The following OTUD7A variants were observed in gnomAD, a reference collection of about 807,000 sequenced individuals.
OTUD7A encodes the protein OTU deubiquitinase 7A.
OTUD7A carries 12 observed loss-of-function variants against 65.7 expected under a neutral mutation model. The observed-to-expected ratio is 0.18, with a 90% CI of 0.12 to 0.30. OTUD7A has a LOEUF of 0.30. OTUD7A is among the 10% of genes least tolerant of loss of function. OTUD7A has a pLI of 1.00. For missense variants in OTUD7A, 1,148 were observed against 1,304.8 expected (o/e 0.88, Z 1.85); for synonymous variants, 641 against 586.3 (o/e 1.09, Z -1.35).
chr15:31,750,731 C>T (rs1894611556), intron 1 of OTUD7A, among the ~76,000 whole-genome samples: 1 of 152,018 alleles, frequency 6.6e-6, no homozygotes, highest in Admixed American at 6.6e-5. Flanking sequence ...ATCTTCCCAC[C>T]CTTTAATACT....
chr15:31,610,249 A>G (rs997585922), intron 3 of OTUD7A, among the ~76,000 whole-genome samples: 1 of 152,136 alleles, frequency 6.6e-6, no homozygotes, highest in Non-Finnish European at 1.5e-5. Context: ...TGTCCTGGAA[A>G]ACATCACAAT....
intron 8 of OTUD7A, among the ~76,000 whole-genome samples, chr15:31,515,110 A>T (rs2041823165): frequency 6.6e-6 from 1 of 152,178 alleles, no homozygotes; most frequent in Non-Finnish European, 1.5e-5. Context: ...TATGGAGTTA[A>T]AACCTGCATA....
At chr15:31,558,817 G>T in intron 5 of OTUD7A, 152 bp downstream of exon 5, 2 of 800,036 alleles carry the variant, frequency 2.5e-6, no homozygotes, top group Non-Finnish European at 4.0e-6. Context: ...TCGGCCCGTA[G>T]AGCAGGAGGT....
intron 8 of OTUD7A, among the ~76,000 whole-genome samples, chr15:31,504,443 G>A (rs555071577): frequency 7.2e-5 from 11 of 152,326 alleles, no homozygotes; most frequent in African/African-American, 9.6e-5. Context: ...CAGGGAAACC[G>A]CAGGCTCAAG....
At chr15:31,827,262 C>A (rs1014732928) in intron 1 of OTUD7A, among the ~76,000 whole-genome samples, 1 of 152,322 alleles carries the variant, frequency 6.6e-6, no homozygotes, top group East Asian at 1.9e-4. Context: ...ACAATCATGG[C>A]AGAAGGCAGG....
chr15:31,528,369 A>C (rs568006452), intron 6 of OTUD7A, among the ~76,000 whole-genome samples: 2 of 152,308 alleles, frequency 1.3e-5, no homozygotes, highest in African/African-American at 4.8e-5. Flanking sequence ...GGCAAGAGGG[A>C]AAGGTGGCTA....
At chr15:31,561,282 G>A (rs552136226) in intron 4 of OTUD7A, among the ~76,000 whole-genome samples, 3 of 152,238 alleles carry the variant, frequency 2.0e-5, no homozygotes, top group African/African-American at 4.8e-5. Context: ...TTGAGTGCAG[G>A]AGCAGTGGAG....
intron 3 of OTUD7A, among the ~76,000 whole-genome samples, chr15:31,595,500 C>T (rs1889876184): frequency 6.6e-6 from 1 of 152,194 alleles, no homozygotes; most frequent in Non-Finnish European, 1.5e-5. Context: ...TCACTGTAAC[C>T]ACTAGCATGA....
intron 1 of OTUD7A, among the ~76,000 whole-genome samples, chr15:31,784,760 C>T (rs1895628417): frequency 6.6e-6 from 1 of 152,062 alleles, no homozygotes; most frequent in South Asian, 2.1e-4. Context: ...AAGCAGCGGG[C>T]TTTGTATTGT....
chr15:31,691,117 C>T (rs771154173), intron 1 of OTUD7A, among the ~76,000 whole-genome samples: 25 of 152,164 alleles, frequency 1.6e-4, no homozygotes, highest in Non-Finnish European at 3.4e-4. Flanking sequence ...AAAGATATCC[C>T]ATGCTCATGG....
intron 1 of OTUD7A, among the ~76,000 whole-genome samples, chr15:31,716,268 C>CAATAA (rs1566985633): frequency 1.1e-4 from 3 of 27,826 alleles, no homozygotes; most frequent in African/African-American, 1.8e-4. Flanking sequence ...TATTTATATA[C>CAATAA]ATTATATAAT....
At chr15:31,514,450 CTT>C (rs1188864679) in intron 8 of OTUD7A, among the ~76,000 whole-genome samples, 1 of 151,980 alleles carries the variant, frequency 6.6e-6, no homozygotes, top group Admixed American at 6.5e-5. Context: ...TTATTTTCAT[CTT>C]TCTCTCCCTC....
chr15:31,745,012 C>A (rs1894438746), intron 1 of OTUD7A, among the ~76,000 whole-genome samples: 1 of 151,990 alleles, frequency 6.6e-6, no homozygotes, highest in East Asian at 1.9e-4. Context: ...CCATGGCTTT[C>A]TACACTAAAA....
chr15:31,687,442 G>A (rs1052279717), intron 1 of OTUD7A, among the ~76,000 whole-genome samples: 7 of 152,168 alleles, frequency 4.6e-5, no homozygotes, highest in Admixed American at 2.0e-4. Context: ...AGTGGCTCTC[G>A]CCCATGTGTC....
rs1595547000 is a variant in OTUD7A, at chr15:31,483,105, C to T, written c.*189G>A. The T allele has an allele frequency of 5.0e-6, 2 of 397,212 alleles. No homozygotes were observed. The highest frequency in any genetic ancestry group is 7.0e-6 in the Non-Finnish European group (2 of 286,260). The allele number at this position is 397,212 out of a possible 1,614,324, so 24.6% of individuals were successfully genotyped here. ...TCCAACAGTATGACTTGTTTCCTATCCGTCTACTACCTGAGTGGCGTCAGT... is the reference window on the plus strand; with the variant it reads ...TCCAACAGTATGACTTGTTTCCTATTCGTCTACTACCTGAGTGGCGTCAGT... On this transcript the variant is annotated 3_prime_UTR_variant, in exon 13 of 13. Transcript: ENST00000307050.
intron 1 of OTUD7A, among the ~76,000 whole-genome samples, chr15:31,781,088 T>C (rs36020089): frequency 0.2 from 30,228 of 152,104 alleles, 3,440 homozygotes; most frequent in Admixed American, 0.28. Context: ...TGTGACCTTT[T>C]CAGCCCTTCC....
intron 5 of OTUD7A, among the ~76,000 whole-genome samples, chr15:31,531,410 A>T (rs566901052): frequency 6.6e-6 from 1 of 150,876 alleles, no homozygotes; most frequent in East Asian, 2.0e-4. Flanking sequence ...CAGACTAACT[A>T]GGGATCTTGA....
chr15:31,678,541 C>T (rs1213352786), intron 1 of OTUD7A, among the ~76,000 whole-genome samples: 1 of 152,230 alleles, frequency 6.6e-6, no homozygotes, highest in Non-Finnish European at 1.5e-5. Flanking sequence ...ACTTGGTGCC[C>T]TGTGTCCCAG....
rs79346937 is a variant in OTUD7A, at chr15:31,500,131, C to T, written c.1171+1559G>A. On this transcript the variant is annotated intron_variant, in intron 10 of 12. Transcript: ENST00000307050. ...GGGGACTGGACAGAGGGCCCCGCCC[C>T]TGGCCGATCCCAGGTCCTGAAAAGG... Among the ~76,000 whole-genome samples, 1,374 of 152,340 alleles carry T rather than the reference C, an allele frequency of 9.0e-3. 19 individuals carry two copies. The highest frequency in any genetic ancestry group is 0.032 in the African/African-American group (1,325 of 41,582).
Sources: gnomAD v4.1 joint callset for allele counts (sites outside exome capture counted in the v4.1 genomes callset) on GRCh38, gnomAD v4.1.1 for gene constraint, MANE v1.5 for transcripts, NCBI Gene and HGNC (gene_info 2026-07-23, HGNC 2026-07-21) for gene names.